The following FKBP5 variants were observed in gnomAD, a reference collection of about 807,000 sequenced individuals.
FKBP5 encodes the protein peptidyl-prolyl cis-trans isomerase FKBP5.
FKBP5 carries 23 observed loss-of-function variants against 50.5 expected under a neutral mutation model. The ratio of observed to expected loss-of-function variants is 0.46; its 90% CI spans 0.33 to 0.65. The LOEUF (loss-of-function observed/expected upper bound fraction) is 0.65. FKBP5 is among the 30% of genes least tolerant of loss of function. The pLI is 0.02. For missense variants in FKBP5, 411 were observed against 553.1 expected, an observed-to-expected ratio of 0.74 and a Z score of 2.58; for synonymous variants, 176 against 190.6, an observed-to-expected ratio of 0.92 and a Z score of 0.63.
chr6:35,575,093 G>C lies in FKBP5; in HGVS notation c.*742C>G, dbSNP rs115264529. 2.7e-3 allele frequency: 417 copies of C among 152,344 alleles called. No individual in the cohort carries two copies. The highest frequency in any genetic ancestry group is 9.6e-3 in the African/African-American group (401 of 41,564). The allele number at this position is 152,344 out of a possible 1,614,324, so 9.4% of individuals were successfully genotyped here. A position where few individuals can be genotyped will look rare whatever the true frequency, so the allele number is the denominator to read the frequency against. On this transcript the variant is annotated 3_prime_UTR_variant, in exon 11 of 11. Transcript: ENST00000357266. ...ATCGAAAATAGGAAAAGCTAATCCA[G>C]AAACTCTCATCTGCTCATTATCATT... is the stretch of plus-strand genomic sequence containing the variant.
intron 3 of FKBP5, among the ~76,000 whole-genome samples, chr6:35,624,330 A>G (rs181174274): frequency 5.3e-4 from 81 of 152,158 alleles, no homozygotes; most frequent in African/African-American, 1.9e-3. Flanking sequence ...GTGAGACAAA[A>G]CAAAAATACT....
At chr6:35,657,040 T>C (rs1407216595) in intron 1 of FKBP5, among the ~76,000 whole-genome samples, 2 of 140,490 alleles carry the variant, frequency 1.4e-5, no homozygotes, top group East Asian at 4.2e-4. Flanking sequence ...TGAAACCCTG[T>C]CTCTACTAAA....
chr6:35,723,239 T>A (rs964098278), intron 1 of FKBP5, among the ~76,000 whole-genome samples: 10 of 151,418 alleles, frequency 6.6e-5, no homozygotes, highest in Admixed American at 1.3e-4. Context: ...TCTCAAAAAA[T>A]AAATAAATAA....
intron 7 of FKBP5, among the ~76,000 whole-genome samples, chr6:35,588,035 T>A (rs568221297): frequency 2.0e-4 from 30 of 151,706 alleles, no homozygotes; most frequent in East Asian, 1.9e-3. Flanking sequence ...TATTATTATT[T>A]TTTTTTTGAG....
At chr6:35,643,566 T>G (rs1293091466) in intron 1 of FKBP5, among the ~76,000 whole-genome samples, 1 of 152,210 alleles carries the variant, frequency 6.6e-6, no homozygotes, top group Non-Finnish European at 1.5e-5. Flanking sequence ...ATCTTTGAGT[T>G]CTAGCTGCCA....
At chr6:35,629,263 G>A (rs1052050786) in intron 3 of FKBP5, among the ~76,000 whole-genome samples, 1 of 151,748 alleles carries the variant, frequency 6.6e-6, no homozygotes, top group Non-Finnish European at 1.5e-5. Flanking sequence ...GCACCACCAC[G>A]CCTGGCTAAT....
chr6:35,718,814 C>T (rs1033952234), intron 2 of FKBP5, among the ~76,000 whole-genome samples: 4 of 152,200 alleles, frequency 2.6e-5, no homozygotes, highest in African/African-American at 4.8e-5. Flanking sequence ...CCAGGCAGGA[C>T]AAAGGATACA....
At chr6:35,710,387 G>T (rs942448447) in intron 2 of FKBP5, among the ~76,000 whole-genome samples, 2 of 151,928 alleles carry the variant, frequency 1.3e-5, no homozygotes, top group African/African-American at 4.8e-5. Flanking sequence ...GATCACCTGA[G>T]CCCAGGGAGG....
chr6:35,721,073 C>T (rs531721657), intron 1 of FKBP5, among the ~76,000 whole-genome samples: 6 of 152,202 alleles, frequency 3.9e-5, no homozygotes, highest in East Asian at 3.9e-4. Flanking sequence ...ATTTTAGGGC[C>T]GGGCACGGTG....
intron 3 of FKBP5, among the ~76,000 whole-genome samples, chr6:35,627,701 T>C (rs998728500): frequency 1.3e-5 from 2 of 152,184 alleles, no homozygotes; most frequent in Admixed American, 1.3e-4. Flanking sequence ...TTTGATGTCA[T>C]GCCAAGAAAC....
intron 3 of FKBP5, among the ~76,000 whole-genome samples, chr6:35,631,775 T>C (rs770885684): frequency 1.3e-5 from 2 of 151,690 alleles, no homozygotes; most frequent in Non-Finnish European, 2.9e-5. Context: ...GCCAACATGG[T>C]GAAACCCCAT....
At chr6:35,622,781 C>G (rs1357841655) in intron 3 of FKBP5, among the ~76,000 whole-genome samples, 3 of 152,130 alleles carry the variant, frequency 2.0e-5, no homozygotes, top group African/African-American at 4.8e-5. Flanking sequence ...TTTTAGAGGT[C>G]AAAAATGCAG....
intron 1 of FKBP5, among the ~76,000 whole-genome samples, chr6:35,656,902 AAAAAAAAG>A (rs1764968393): frequency 6.7e-6 from 1 of 149,494 alleles, no homozygotes; most frequent in African/African-American, 2.5e-5. Context: ...TCTCAAAAAA[AAAAAAAAG>A]AAAAAAGAAA....
At chr6:35,637,206 T>A (rs1168304377) in intron 2 of FKBP5, 48 bp from the exon 3 acceptor site, 3 of 1,557,500 alleles carry the variant, frequency 1.9e-6, no homozygotes, top group African/African-American at 1.4e-5. Flanking sequence ...TTTTTACTTG[T>A]AATCAGAGAA....
intron 2 of FKBP5, among the ~76,000 whole-genome samples, chr6:35,704,587 A>T (rs1581896249): frequency 1.9e-5 from 2 of 103,190 alleles, no homozygotes; most frequent in African/African-American, 4.7e-5. Context: ...ATAGCTTGTC[A>T]ACATGTTTTT....
chr6:35,701,653 C>T (rs1011383370), intron 2 of FKBP5, among the ~76,000 whole-genome samples: 2 of 152,178 alleles, frequency 1.3e-5, no homozygotes, highest in Non-Finnish European at 2.9e-5. Context: ...AATCCTCCCA[C>T]CTCAGCCTCC....
intron 8 of FKBP5, chr6:35,581,280 T>C: frequency 2.4e-6 from 1 of 422,852 alleles, no homozygotes; most frequent in Non-Finnish European, 3.1e-6. Context: ...ATATAATATA[T>C]ATATAATATA....
chr6:35,599,190 A>G (rs900360137), intron 5 of FKBP5, among the ~76,000 whole-genome samples: 5 of 152,072 alleles, frequency 3.3e-5, no homozygotes, highest in African/African-American at 1.2e-4. Flanking sequence ...TAAAACAACT[A>G]TTACCTTCCA....
At chr6:35,655,456 GCCAAAGAGTTTGGTTCTAAGTGT>G (rs1764921010) in intron 1 of FKBP5, among the ~76,000 whole-genome samples, 1 of 152,156 alleles carries the variant, frequency 6.6e-6, no homozygotes, top group Admixed American at 6.5e-5. Context: ...ATTCACTAGG[GCCAAAGAGTTTGGTTCTAAGTGT>G]CCTGATGATT....
Sources: allele counts gnomAD v4.1 joint callset (sites outside exome capture counted in the v4.1 genomes callset), GRCh38; gene constraint gnomAD v4.1.1; transcripts MANE v1.5; gene names NCBI Gene and HGNC (gene_info 2026-07-23, HGNC 2026-07-21).